KIAA1671: variants seen among roughly 807,000 people sequenced by gnomAD.
KIAA1671 encodes KIAA1671, also known as uncharacterized protein KIAA1671.
Under a neutral mutation model 131.2 loss-of-function variants are expected in KIAA1671, and 52 were observed. The ratio of observed to expected loss-of-function variants is 0.40; its 90% confidence interval spans 0.32 to 0.50. The LOEUF (loss-of-function observed/expected upper bound fraction) is 0.50. Ranked by LOEUF, KIAA1671 falls within the 20% of genes least tolerant of loss-of-function variation. The pLI, the probability that KIAA1671 is intolerant of heterozygous loss-of-function variation, is 0.73. For synonymous variants in KIAA1671, 1,003 were observed against 961.6 expected, an observed-to-expected ratio of 1.04 and a Z score of -0.80; for missense variants, 2,360 against 2,364.2, an observed-to-expected ratio of 1.00 and a Z score of 0.04.
At chr22:25,139,092 A>G (rs964945758) in intron 6 of KIAA1671, among the ~76,000 whole-genome samples, 1 of 152,258 alleles carries the variant, frequency 6.6e-6, no homozygotes, top group African/African-American at 2.4e-5. Context: ...CTTTTAGGCA[A>G]TGTTGTAATG....
At chr22:24,990,356 G>A (rs557864738) in intron 1 of KIAA1671, among the ~76,000 whole-genome samples, 16 of 152,252 alleles carry the variant, frequency 1.1e-4, no homozygotes, top group African/African-American at 3.6e-4. Flanking sequence ...CTCCAGAAGT[G>A]GTAGGATTAA....
At chr22:25,066,487 G>A (rs1394166383) in intron 6 of KIAA1671, among the ~76,000 whole-genome samples, 1 of 152,150 alleles carries the variant, frequency 6.6e-6, no homozygotes, top group Admixed American at 6.5e-5. Flanking sequence ...CACTCATGAG[G>A]GTGGAGCTGT....
intron 5 of KIAA1671, among the ~76,000 whole-genome samples, chr22:25,045,370 G>A (rs9624706): frequency 6.6e-6 from 1 of 152,172 alleles, no homozygotes; most frequent in African/African-American, 2.4e-5. Flanking sequence ...GTTGCTATTA[G>A]CGTCTCATGG....
At chr22:25,177,153 C>A in intron 8 of KIAA1671, 195 bp from the exon 9 acceptor site, 1 of 593,844 alleles carries the variant, frequency 1.7e-6, no homozygotes, top group Non-Finnish European at 2.9e-6. Context: ...TTGTCATCAG[C>A]CTATGGGGTA....
In KIAA1671 at chr22:25,029,220, G is replaced by T. The variant is rs1479088829; in HGVS notation, c.1221G>T (p.Leu407=). The T allele has an allele frequency of 3.4e-6, 5 of 1,461,868 alleles. No homozygotes were observed. Among genetic ancestry groups the T allele is most frequent in the Non-Finnish European group, 3.6e-6 (4 of 1,103,438 alleles). The allele number at this position is 1,461,868 out of a possible 1,614,324, so 90.6% of individuals were successfully genotyped here. A position where few individuals can be genotyped will look rare whatever the true frequency, so the allele number is the denominator to read the frequency against. The change falls in exon 3 of 13, where the codon CTG becomes CTT. Residue 407 remains leucine, a synonymous_variant. Transcript: ENST00000358431. ...CTGCTGAGTCCCCCTCACCCAGGCT[G>T]GGAAGGGGCCTAGAACTTGCTGAGG... ...EKAAESPSPR[L]GRGLELAEVK...
chr22:25,177,286 G>A, intron 8 of KIAA1671, 62 bp from the exon 9 acceptor site: 1 of 1,458,718 alleles, frequency 6.9e-7, no homozygotes, highest in Non-Finnish European at 9.2e-7. Flanking sequence ...CAACTGTGTT[G>A]TGGTACCCTC....
Position 25,028,103 on chromosome 22 carries a change from A to G in KIAA1671, c.104A>G (p.Gln35Arg), listed in dbSNP as rs968632121. ...ACCCTGACGAGGACCTACTTCCTCC[A>G]GGCCGGCGAAGCCTCTGGGGCTCCC... ...EETLTRTYFL[Q>R]AGEASGAPPA... is the part of the protein sequence containing the mutation. The change falls in exon 3 of 13, where the codon CAG (glutamine) becomes CGG (arginine). Residue 35 changes from glutamine (Q) to arginine (R), a missense_variant. Gln to Arg is a conservative substitution (Grantham distance 43). This residue lies in a region of KIAA1671 where 1,185 missense variants were observed against 1,126.2 expected (regional missense o/e 1.05). Coordinates refer to ENST00000358431, the MANE Select transcript of KIAA1671 (RefSeq NM_001145206.2). The G allele has an allele frequency of 3.4e-5, 53 of 1,551,280 alleles. No homozygotes were observed. The African/African-American group carries it at 7.0e-4, about 20-fold the overall frequency.
At chr22:25,153,612 G>T (rs985864101) in intron 6 of KIAA1671, among the ~76,000 whole-genome samples, 2 of 152,248 alleles carry the variant, frequency 1.3e-5, no homozygotes, top group Non-Finnish European at 2.9e-5. Context: ...CCGCCTCACG[G>T]TGTTGGTGAG....
chr22:25,019,713 C>T (rs1925557797), intron 1 of KIAA1671, among the ~76,000 whole-genome samples: 2 of 151,448 alleles, frequency 1.3e-5, no homozygotes, highest in East Asian at 1.9e-4. Flanking sequence ...TCTGCTTCCC[C>T]TACCAATTAT....
chr22:25,104,392 C>A (rs1026603337), intron 6 of KIAA1671, among the ~76,000 whole-genome samples: 4 of 152,134 alleles, frequency 2.6e-5, no homozygotes, highest in African/African-American at 9.7e-5. Flanking sequence ...AGTGGGACCT[C>A]CTGCGGGAGA....
At chr22:24,988,875 A>C (rs1923692313) in intron 1 of KIAA1671, among the ~76,000 whole-genome samples, 1 of 152,080 alleles carries the variant, frequency 6.6e-6, no homozygotes, top group African/African-American at 2.4e-5. Flanking sequence ...TTCAGTGTCC[A>C]TCTGGGTTTG....
Position 24,970,730 on chromosome 22 carries a change from T to TAAAAA in KIAA1671, c.-208+17965_-208+17969dup, listed in dbSNP as rs533720025. 2.6e-3 allele frequency among the ~76,000 whole-genome samples: 352 copies of TAAAAA among 137,262 alleles called. 2 individuals carry two copies. Among genetic ancestry groups the TAAAAA allele is most frequent in the African/African-American group, 5.5e-3 (202 of 36,742 alleles). The allele number at this position is 137,262 out of a possible 152,430, so 90.0% of individuals were successfully genotyped here. Reference sequence around the variant, plus strand: ...CTAACACTATCAATAGTTGATGAGCTAAAAAAAAAAACAAAACAAAACTCA... The same window carrying TAAAAA: ...CTAACACTATCAATAGTTGATGAGCTAAAAAAAAAAAAAAAACAAAACAAAACTCA... On this transcript the variant is annotated intron_variant, in intron 1 of 12. Coordinates refer to ENST00000358431, the MANE Select transcript of KIAA1671 (RefSeq NM_001145206.2).
intron 1 of KIAA1671, among the ~76,000 whole-genome samples, chr22:24,979,853 T>C (rs1401544027): frequency 6.6e-6 from 1 of 152,190 alleles, no homozygotes; most frequent in Non-Finnish European, 1.5e-5. Context: ...TTGACTACTT[T>C]AGGCATCTGA....
chr22:25,197,241 C>T lies in KIAA1671; in HGVS notation c.*4840C>T, dbSNP rs57445558. On this transcript the variant is annotated 3_prime_UTR_variant, in exon 13 of 13. Transcript: ENST00000358431. The stretch of plus-strand genomic sequence containing the variant: ...AAAACTTATATTTTTAATGTAAAAA[C>T]AAATGGGGCTTACCAGACCTCACAG... The T allele has an allele frequency of 3.0e-3, 454 of 152,262 alleles. 1 individual carries two copies. Among genetic ancestry groups the T allele is most frequent in the African/African-American group, 0.01 (423 of 41,548 alleles). The allele number at this position is 152,262 out of a possible 1,614,324, so 9.4% of individuals were successfully genotyped here.
intron 6 of KIAA1671, among the ~76,000 whole-genome samples, chr22:25,092,053 C>T (rs1050686439): frequency 6.6e-6 from 1 of 152,160 alleles, no homozygotes; most frequent in South Asian, 2.1e-4. Flanking sequence ...GTGCCCGACG[C>T]TGTTATAGTC....
intron 4 of KIAA1671, among the ~76,000 whole-genome samples, chr22:25,033,368 C>T (rs948611936): frequency 6.6e-6 from 1 of 151,656 alleles, no homozygotes; most frequent in African/African-American, 2.4e-5. Flanking sequence ...CTAGCCTGGG[C>T]GACAGAGTGA....
chr22:25,153,895 C>T (rs527472845), intron 6 of KIAA1671, among the ~76,000 whole-genome samples: 2 of 152,352 alleles, frequency 1.3e-5, no homozygotes, highest in South Asian at 4.1e-4. Flanking sequence ...GTCTGCCTCA[C>T]CCCAAGGCGC....
chr22:24,955,892 G>T (rs1921666091), intron 1 of KIAA1671, among the ~76,000 whole-genome samples: 2 of 152,092 alleles, frequency 1.3e-5, no homozygotes, highest in African/African-American at 4.8e-5. Flanking sequence ...CAGGCATGGG[G>T]CAGGTGCCTG....
At chr22:24,981,045 C>T (rs1022685088) in intron 1 of KIAA1671, among the ~76,000 whole-genome samples, 2 of 149,378 alleles carry the variant, frequency 1.3e-5, no homozygotes, top group African/African-American at 5.0e-5. Context: ...CCATGCCCGG[C>T]CAACACTTGT....
Sources: allele counts gnomAD v4.1 joint callset (sites outside exome capture counted in the v4.1 genomes callset), GRCh38; gene constraint gnomAD v4.1.1; regional missense constraint gnomAD v4.1.1; transcripts MANE v1.5; gene names NCBI Gene and HGNC (gene_info 2026-07-23, HGNC 2026-07-21).